Variants in TMEFF1 observed in about 807,000 individuals in gnomAD.
The protein encoded by TMEFF1 is tomoregulin-1.
Under a neutral mutation model 47.5 loss-of-function variants are expected in TMEFF1, and 20 were observed. That is an observed-to-expected ratio of 0.42 (90% CI 0.30 to 0.61). TMEFF1 has a LOEUF of 0.61. TMEFF1 is among the 20% of genes least tolerant of loss of function. The probability of loss-of-function intolerance (pLI) is 0.19; values close to 1 mark genes in which losing one functional copy is unlikely to be tolerated. For missense variants in TMEFF1, 411 were observed against 471.1 expected (o/e 0.87, Z 1.18); for synonymous variants, 162 against 166.3 (o/e 0.97, Z 0.20).
At chr9:100,488,462 A>G (rs1468796456) in intron 1 of TMEFF1, among the ~76,000 whole-genome samples, 2 of 152,244 alleles carry the variant, frequency 1.3e-5, no homozygotes, top group Middle Eastern at 3.2e-3. Flanking sequence ...GGATAAAGAC[A>G]ATTAAAATGG....
At chr9:100,483,584 C>T (rs536411819) in intron 1 of TMEFF1, among the ~76,000 whole-genome samples, 1 of 152,268 alleles carries the variant, frequency 6.6e-6, no homozygotes, top group Non-Finnish European at 1.5e-5. Flanking sequence ...ATTCTTCTAT[C>T]CAGAAGAGTT....
intron 1 of TMEFF1, among the ~76,000 whole-genome samples, chr9:100,494,927 A>G (rs946850580): frequency 6.6e-6 from 1 of 152,218 alleles, no homozygotes; most frequent in African/African-American, 2.4e-5. Flanking sequence ...CTAGCCAGCA[A>G]AATATCTGAA....
chr9:100,573,392 A>G (rs374046481), intron 9 of TMEFF1, among the ~76,000 whole-genome samples: 35 of 152,218 alleles, frequency 2.3e-4, no homozygotes, highest in African/African-American at 8.0e-4. Context: ...CATAAATTAA[A>G]TGACTTATTT....
chr9:100,542,122 T>A (rs1451740042), intron 5 of TMEFF1, among the ~76,000 whole-genome samples: 4 of 151,728 alleles, frequency 2.6e-5, no homozygotes. Context: ...TTTTTTGGAT[T>A]TTTTTTTTCT....
At chr9:100,490,345 A>G (rs1162205395) in intron 1 of TMEFF1, among the ~76,000 whole-genome samples, 1 of 152,172 alleles carries the variant, frequency 6.6e-6, no homozygotes, top group African/African-American at 2.4e-5. Flanking sequence ...AGAGGATTTA[A>G]TTTCTAATTT....
At chr9:100,521,962 T>C (rs1441177955) in intron 5 of TMEFF1, among the ~76,000 whole-genome samples, 1 of 152,220 alleles carries the variant, frequency 6.6e-6, no homozygotes, top group African/African-American at 2.4e-5. Flanking sequence ...ATAACCAGTT[T>C]AATCCACCTG....
At chr9:100,555,519 T>C (rs906161135) in intron 7 of TMEFF1, among the ~76,000 whole-genome samples, 18 of 152,080 alleles carry the variant, frequency 1.2e-4, no homozygotes, top group African/African-American at 4.3e-4. Context: ...CTCTCTGGAG[T>C]CAGACTTGGT....
chr9:100,559,258 T>A (rs987673606), intron 7 of TMEFF1, among the ~76,000 whole-genome samples: 2 of 152,182 alleles, frequency 1.3e-5, no homozygotes, highest in Admixed American at 1.3e-4. Flanking sequence ...TTGATTTCTT[T>A]TGCAATGGCA....
intron 5 of TMEFF1, among the ~76,000 whole-genome samples, chr9:100,523,325 A>G (rs1021018956): frequency 6.6e-6 from 1 of 152,122 alleles, no homozygotes; most frequent in Non-Finnish European, 1.5e-5. Flanking sequence ...CACAGTTCCT[A>G]TGTGACCATA....
intron 7 of TMEFF1, among the ~76,000 whole-genome samples, chr9:100,555,733 A>C (rs1344421217): frequency 6.6e-6 from 1 of 152,138 alleles, no homozygotes; most frequent in Admixed American, 6.5e-5. Context: ...CAACAGTCTC[A>C]CCATTGGTGA....
intron 5 of TMEFF1, among the ~76,000 whole-genome samples, chr9:100,531,857 T>G (rs969141384): frequency 1.3e-5 from 2 of 152,058 alleles, no homozygotes; most frequent in African/African-American, 2.4e-5. Context: ...AAGGCTACAG[T>G]AACCAAAACA....
intron 5 of TMEFF1, among the ~76,000 whole-genome samples, chr9:100,527,710 C>T (rs1335280451): frequency 1.3e-5 from 2 of 152,218 alleles, no homozygotes; most frequent in African/African-American, 2.4e-5. Context: ...ACAAAGCAGC[C>T]GGGAAGCTCG....
rs533557861 is a variant in TMEFF1, at chr9:100,561,600, G to A, written c.899+80G>A. Reference sequence around the variant, plus strand: ...GCTCTATAGAAGGGAATGAAATGTAGACTAAATATTACCAGAAAGTAGTGT... The same window carrying A: ...GCTCTATAGAAGGGAATGAAATGTAAACTAAATATTACCAGAAAGTAGTGT... On this transcript the variant is annotated intron_variant, in intron 8 of 9. Coordinates refer to ENST00000374879, the MANE Select transcript of TMEFF1 (RefSeq NM_003692.5). The A allele has an allele frequency of 9.9e-6, 14 of 1,410,084 alleles. No individual in the cohort carries two copies. In the South Asian group the frequency reaches 2.6e-4, roughly 26 times the overall value. 87.3% of individuals were successfully genotyped at this position (1,410,084 alleles called of 1,614,324 possible).
intron 5 of TMEFF1, among the ~76,000 whole-genome samples, chr9:100,526,810 G>A (rs527754923): frequency 6.6e-6 from 1 of 151,886 alleles, no homozygotes; most frequent in African/African-American, 2.4e-5. Context: ...ATGACTTTGT[G>A]TAAGAGTGAA....
intron 8 of TMEFF1, among the ~76,000 whole-genome samples, chr9:100,562,414 C>G (rs1371606962): frequency 2.0e-5 from 3 of 151,968 alleles, no homozygotes; most frequent in South Asian, 4.2e-4. Flanking sequence ...GCTCCCTGCT[C>G]CTGATTTTTT....
chr9:100,474,272 A>G (rs1837179141), intron 1 of TMEFF1, among the ~76,000 whole-genome samples: 1 of 150,846 alleles, frequency 6.6e-6, no homozygotes, highest in Non-Finnish European at 1.5e-5. Flanking sequence ...GGTCGTGTGG[A>G]TAAAGGGAAC....
chr9:100,565,104 A>T (rs1430841589), intron 8 of TMEFF1, among the ~76,000 whole-genome samples: 1 of 152,130 alleles, frequency 6.6e-6, no homozygotes, highest in Non-Finnish European at 1.5e-5. Context: ...CCGCTTACAG[A>T]TGTCTAGTGG....
At chr9:100,566,906 C>T (rs554341983) in intron 8 of TMEFF1, among the ~76,000 whole-genome samples, 14 of 151,918 alleles carry the variant, frequency 9.2e-5, no homozygotes, top group Admixed American at 5.9e-4. Flanking sequence ...GGTTTCAGCA[C>T]GTTGGCCAGG....
intron 5 of TMEFF1, among the ~76,000 whole-genome samples, chr9:100,532,720 C>T (rs1344252510): frequency 6.6e-6 from 1 of 151,808 alleles, no homozygotes; most frequent in African/African-American, 2.4e-5. Flanking sequence ...CCATTTGACC[C>T]AGCCATCCCA....
Sources: allele counts gnomAD v4.1 joint callset (sites outside exome capture counted in the v4.1 genomes callset), GRCh38; gene constraint gnomAD v4.1.1; transcripts MANE v1.5; gene names NCBI Gene and HGNC (gene_info 2026-07-23, HGNC 2026-07-21).